The following ITGA1 variants were observed in gnomAD, a reference collection of about 807,000 sequenced individuals.
ITGA1 encodes the protein integrin alpha-1.
ITGA1 carries 85 observed loss-of-function variants against 145.9 expected under a neutral mutation model. The ratio of observed to expected loss-of-function variants is 0.58; its 90% CI spans 0.49 to 0.70. The LOEUF is 0.70. Ranked by LOEUF, ITGA1 falls within the 30% of genes least tolerant of loss-of-function variation. The probability of loss-of-function intolerance (pLI) is 0.00; values close to 1 mark genes in which losing one functional copy is unlikely to be tolerated. For synonymous variants in ITGA1, 520 were observed against 495.3 expected (o/e 1.05, Z -0.66); for missense variants, 1,351 against 1,418.7 (o/e 0.95, Z 0.77).
At chr5:52,805,820 G>A (rs1040438224) in intron 1 of ITGA1, among the ~76,000 whole-genome samples, 3 of 151,900 alleles carry the variant, frequency 2.0e-5, no homozygotes, top group Non-Finnish European at 4.4e-5. Context: ...CTTTTATTCC[G>A]TGAGGAACCA....
intron 1 of ITGA1, among the ~76,000 whole-genome samples, chr5:52,830,662 A>G (rs1388523509): frequency 6.6e-6 from 1 of 152,168 alleles, no homozygotes; most frequent in Non-Finnish European, 1.5e-5. Context: ...TGTTGATGTA[A>G]ATTGTGTTAC....
Position 52,925,346 on chromosome 5 carries a change from C to T in ITGA1, c.2472C>T (p.Thr824=). The change falls in exon 19 of 29, where the codon ACC becomes ACT. Residue 824 remains threonine, a synonymous_variant. Transcript: ENST00000282588. ...CISDLSLHVA[T]TEKDLLIVRS... ...CAGACCTCAGCCTGCATGTCGCCAC[C>T]ACTGAAAAGGACCTGCTGATTGTCC... 2 of 1,614,082 alleles carry T rather than the reference C, an allele frequency of 1.2e-6. No individual in the cohort carries two copies. Among genetic ancestry groups the T allele is most frequent in the Non-Finnish European group, 1.7e-6 (2 of 1,179,962 alleles).
chr5:52,920,512 A>G, intron 17 of ITGA1, 44 bp downstream of exon 17: 1 of 1,460,342 alleles, frequency 6.8e-7, no homozygotes, highest in East Asian at 2.5e-5. Flanking sequence ...CAAATCAAGA[A>G]TACAGTAGAG....
At chr5:52,851,218 C>A (rs1034556652) in intron 2 of ITGA1, among the ~76,000 whole-genome samples, 1 of 152,120 alleles carries the variant, frequency 6.6e-6, no homozygotes, top group African/African-American at 2.4e-5. Context: ...TGTATGTTTT[C>A]TTTCTTATCC....
At chr5:52,861,708 A>G (rs1580067459) in intron 3 of ITGA1, 149 bp downstream of exon 3, 2 of 593,156 alleles carry the variant, frequency 3.4e-6, no homozygotes, top group African/African-American at 1.9e-5. Context: ...TCATCTCTAC[A>G]AAATATACAA....
chr5:52,788,359 C>T lies in ITGA1; in HGVS notation c.6C>T (p.Ala2=). 3 of 1,509,828 alleles carry T rather than the reference C, an allele frequency of 2.0e-6. No homozygotes were observed. Among genetic ancestry groups the T allele is most frequent in the Non-Finnish European group, 2.6e-6 (3 of 1,133,624 alleles). 93.5% of individuals were successfully genotyped at this position (1,509,828 alleles called of 1,614,324 possible). M[A]PRPRARPGVA... is the part of the protein sequence containing the mutation. ...GCGCTGAGGCTGCTCCGGCCATGGC[C>T]CCTCGGCCCCGCGCCCGCCCAGGGG... The change falls in exon 1 of 29, where the codon GCC becomes GCT. Residue 2 remains alanine, a synonymous_variant. Coordinates refer to ENST00000282588, the MANE Select transcript of ITGA1 (RefSeq NM_181501.2).
At chr5:52,910,766 CTA>C (rs1021902432) in intron 14 of ITGA1, among the ~76,000 whole-genome samples, 9 of 144,194 alleles carry the variant, frequency 6.2e-5, no homozygotes, top group Admixed American at 1.4e-4. Flanking sequence ...AGATTAATTA[CTA>C]TATATACACA....
rs1750831388 is a variant in ITGA1 at position 52,927,622 on chromosome 5, C to G, written c.2652C>G (p.Ile884Met). ...ACAGTTGTGAATCTAATCATAATAT[C>G]ACATGTAAAGTTGGATATCCCTTCC... ...QKDSCESNHNITCKVGYPFLR... is the reference protein window; with the variant it reads ...QKDSCESNHNMTCKVGYPFLR... Residue 884 changes from isoleucine to methionine, a missense_variant, in exon 20 of 29, where the codon ATC becomes ATG. Coordinates refer to ENST00000282588, the MANE Select transcript of ITGA1 (RefSeq NM_181501.2). 1 of 1,611,560 alleles carries G rather than the reference C, an allele frequency of 6.2e-7. No homozygotes were observed. Among genetic ancestry groups the G allele is most frequent in the African/African-American group, 1.3e-5 (1 of 74,974 alleles).
chr5:52,865,549 T>G (rs1749674285), intron 5 of ITGA1, 141 bp from the exon 6 acceptor site: 2 of 626,974 alleles, frequency 3.2e-6, no homozygotes, highest in Non-Finnish European at 4.9e-6. Context: ...CGAAAACTAT[T>G]TTTTATTGCT....
chr5:52,835,981 C>T (rs917233118), intron 1 of ITGA1, among the ~76,000 whole-genome samples: 1 of 152,138 alleles, frequency 6.6e-6, no homozygotes, highest in Non-Finnish European at 1.5e-5. Context: ...TTTCTTTCTT[C>T]CATCTTTATA....
At chr5:52,823,497 C>T (rs751767147) in intron 1 of ITGA1, among the ~76,000 whole-genome samples, 4 of 152,132 alleles carry the variant, frequency 2.6e-5, no homozygotes, top group Non-Finnish European at 4.4e-5. Flanking sequence ...TGAGCCATGG[C>T]ACCTATCCAA....
At chr5:52,898,139 G>T in intron 10 of ITGA1, 100 bp from the exon 11 acceptor site, 1 of 659,704 alleles carries the variant, frequency 1.5e-6, no homozygotes. Flanking sequence ...CAAATGTAAA[G>T]CACTTTGAAC....
intron 1 of ITGA1, among the ~76,000 whole-genome samples, chr5:52,819,892 T>A (rs958235943): frequency 6.6e-6 from 1 of 152,184 alleles, no homozygotes; most frequent in South Asian, 2.1e-4. Context: ...CAGCACCATT[T>A]ATTAAATAGG....
chr5:52,791,937 G>A (rs1748250398), intron 1 of ITGA1, among the ~76,000 whole-genome samples: 1 of 152,088 alleles, frequency 6.6e-6, no homozygotes, highest in Admixed American at 6.5e-5. Context: ...AAAATAATAT[G>A]CTATATTGGC....
chr5:52,846,903 T>G (rs1381656901), intron 1 of ITGA1, among the ~76,000 whole-genome samples: 1 of 152,220 alleles, frequency 6.6e-6, no homozygotes, highest in Admixed American at 6.5e-5. Flanking sequence ...TTAACTAAGA[T>G]GAAATAGTTG....
At chr5:52,951,026 G>A (rs950243575) in intron 28 of ITGA1, among the ~76,000 whole-genome samples, 8 of 152,148 alleles carry the variant, frequency 5.3e-5, no homozygotes, top group African/African-American at 1.9e-4. Flanking sequence ...TTCCGTTACC[G>A]CCTTTTCTTC....
chr5:52,910,327 A>G lies in ITGA1; in HGVS notation c.1765A>G (p.Ile589Val). 1 of 1,613,982 alleles carries G rather than the reference A, an allele frequency of 6.2e-7. No individual in the cohort carries two copies. The highest frequency in any genetic ancestry group is 1.7e-5 in the Admixed American group (1 of 59,992). Residue 589 changes from isoleucine to valine, a missense_variant, in exon 14 of 29, where the codon ATC becomes GTC. Physicochemically the swap from Ile to Val is conservative, Grantham distance 29. Transcript: ENST00000282588. ...KDLNLDGFND[I>V]VIGAPLEDDH... ...CCTCAATCTTGATGGATTTAATGACATCGTGATAGGAGCTCCGCTGGAAGA... is the reference window on the plus strand; with the variant it reads ...CCTCAATCTTGATGGATTTAATGACGTCGTGATAGGAGCTCCGCTGGAAGA...
chr5:52,823,107 T>C (rs1748905820), intron 1 of ITGA1, among the ~76,000 whole-genome samples: 1 of 152,206 alleles, frequency 6.6e-6, no homozygotes. Flanking sequence ...GCCCCGACTT[T>C]CCTGACATCC....
chr5:52,864,299 G>A lies in ITGA1; in HGVS notation c.296-464G>A, dbSNP rs374928481. On this transcript the variant is annotated intron_variant, in intron 3 of 28. Transcript: ENST00000282588. ...TAGTTTCCTTTGTCACCCAAAGGAT[G>A]TCCTCATGATTTTGGAAGTCATGGT... Among the ~76,000 whole-genome samples, 16 of 152,248 alleles carry A rather than the reference G, an allele frequency of 1.1e-4. No individual in the cohort carries two copies. In the East Asian group the frequency reaches 1.9e-3, roughly 18 times the overall value.
Sources: allele counts gnomAD v4.1 joint callset (sites outside exome capture counted in the v4.1 genomes callset), GRCh38; gene constraint gnomAD v4.1.1; transcripts MANE v1.5; gene names NCBI Gene and HGNC (gene_info 2026-07-23, HGNC 2026-07-21).